TMEM163: variants seen among roughly 807,000 people sequenced by gnomAD.
The protein encoded by TMEM163 is transmembrane protein 163.
Under a neutral mutation model 29.3 loss-of-function variants are expected in TMEM163, and 17 were observed. That is an observed-to-expected ratio of 0.58 (90% CI 0.40 to 0.87). The LOEUF (loss-of-function observed/expected upper bound fraction) is 0.87. TMEM163 is among the 40% of genes least tolerant of loss of function. The pLI is 0.00. For missense variants in TMEM163, 303 were observed against 381.5 expected (o/e 0.79, Z 1.71); for synonymous variants, 157 against 160.6 (o/e 0.98, Z 0.17).
intron 2 of TMEM163, among the ~76,000 whole-genome samples, chr2:134,598,362 GC>G (rs1682141351): frequency 3.9e-5 from 6 of 152,122 alleles, no homozygotes; most frequent in Non-Finnish European, 7.4e-5. Flanking sequence ...AATAATAGTA[GC>G]TAGCACTATG....
At chr2:134,514,870 G>A (rs1349143985) in intron 4 of TMEM163, among the ~76,000 whole-genome samples, 1 of 152,166 alleles carries the variant, frequency 6.6e-6, no homozygotes, top group Non-Finnish European at 1.5e-5. Flanking sequence ...CCTCATTTCT[G>A]CCCAGTGGTC....
intron 2 of TMEM163, among the ~76,000 whole-genome samples, chr2:134,575,580 C>G (rs1404240214): frequency 1.3e-5 from 2 of 152,318 alleles, no homozygotes; most frequent in Admixed American, 6.5e-5. Context: ...GTCACGCTTT[C>G]ATGAGATGTG....
chr2:134,498,520 C>T (rs376777822), intron 5 of TMEM163, among the ~76,000 whole-genome samples: 4 of 152,110 alleles, frequency 2.6e-5, no homozygotes, highest in Non-Finnish European at 4.4e-5. Flanking sequence ...TTAGTAGAGA[C>T]GGGGTTTCAC....
intron 2 of TMEM163, among the ~76,000 whole-genome samples, chr2:134,606,167 C>A (rs1682352962): frequency 6.6e-6 from 1 of 152,042 alleles, no homozygotes; most frequent in Non-Finnish European, 1.5e-5. Context: ...AATTTCTAAA[C>A]ACAGCACGTA....
At chr2:134,554,315 G>T (rs1296737497) in intron 2 of TMEM163, among the ~76,000 whole-genome samples, 1 of 151,052 alleles carries the variant, frequency 6.6e-6, no homozygotes, top group Non-Finnish European at 1.5e-5. Flanking sequence ...AGTCCCAGCT[G>T]CTCGGCAGGC....
chr2:134,659,751 G>A (rs750659666), intron 2 of TMEM163, among the ~76,000 whole-genome samples: 1 of 152,100 alleles, frequency 6.6e-6, no homozygotes, highest in African/African-American at 2.4e-5. Flanking sequence ...ACCAGCCTGG[G>A]CAACAAAGAG....
intron 6 of TMEM163, among the ~76,000 whole-genome samples, chr2:134,462,027 C>A (rs1159742034): frequency 6.6e-6 from 1 of 152,200 alleles, no homozygotes; most frequent in African/African-American, 2.4e-5. Context: ...CCAGATAGTA[C>A]AATTAGCAGG....
chr2:134,529,258 G>C (rs887850353), intron 4 of TMEM163, among the ~76,000 whole-genome samples: 1 of 152,200 alleles, frequency 6.6e-6, no homozygotes, highest in African/African-American at 2.4e-5. Context: ...TTGCGCCCAT[G>C]AGGCAGAGGT....
At chr2:134,664,606 TGA>T (rs1046600058) in intron 2 of TMEM163, among the ~76,000 whole-genome samples, 1 of 152,102 alleles carries the variant, frequency 6.6e-6, no homozygotes, top group Non-Finnish European at 1.5e-5. Context: ...GGGGTCTTTA[TGA>T]GAGAGAGGCA....
rs150559282 is a variant in TMEM163 at position 134,600,653 on chromosome 2, G to A, written c.323-48562C>T. ...GTGATGGGGTCATTAGGGGGAATAG[G>A]GCATCAAAAAGCACCTGTGAATAAT... On this transcript the variant is annotated intron_variant, in intron 2 of 7. Coordinates refer to ENST00000281924, the MANE Select transcript of TMEM163 (RefSeq NM_030923.5). Among the ~76,000 whole-genome samples, 78 of 152,118 alleles carry A rather than the reference G, an allele frequency of 5.1e-4. 1 individual carries two copies. In the East Asian group the frequency reaches 0.014, roughly 27 times the overall value.
intron 1 of TMEM163, 62 bp from the exon 2 acceptor site, chr2:134,713,381 G>A: frequency 6.2e-7 from 1 of 1,603,338 alleles, no homozygotes; most frequent in Non-Finnish European, 8.5e-7. Context: ...CACAGCGAGA[G>A]CTACAATTTC....
intron 5 of TMEM163, among the ~76,000 whole-genome samples, chr2:134,483,801 A>G (rs1679256752): frequency 6.6e-6 from 1 of 152,194 alleles, no homozygotes; most frequent in South Asian, 2.1e-4. Context: ...CATTTGAACA[A>G]CAGGAAGCCC....
chr2:134,531,275 T>C (rs1680410626), intron 4 of TMEM163, among the ~76,000 whole-genome samples: 1 of 152,206 alleles, frequency 6.6e-6, no homozygotes, highest in African/African-American at 2.4e-5. Flanking sequence ...TTTTCTCTTG[T>C]CACTCAACAG....
At chr2:134,636,411 C>A (rs1315397794) in intron 2 of TMEM163, among the ~76,000 whole-genome samples, 5 of 152,218 alleles carry the variant, frequency 3.3e-5, no homozygotes, top group African/African-American at 1.2e-4. Context: ...TATATAGTAT[C>A]TTTCGTTCAA....
At chr2:134,499,727 T>C (rs1679659509) in intron 5 of TMEM163, among the ~76,000 whole-genome samples, 1 of 152,232 alleles carries the variant, frequency 6.6e-6, no homozygotes. Flanking sequence ...ACGCTGTTTC[T>C]GACAGAACCT....
At chr2:134,657,990 C>A (rs1246282877) in intron 2 of TMEM163, among the ~76,000 whole-genome samples, 1 of 150,094 alleles carries the variant, frequency 6.7e-6, no homozygotes, top group African/African-American at 2.5e-5. Context: ...GATACACATA[C>A]CCCCTGAACT....
intron 4 of TMEM163, among the ~76,000 whole-genome samples, chr2:134,537,925 C>T (rs1024962544): frequency 6.6e-6 from 1 of 152,208 alleles, no homozygotes; most frequent in Non-Finnish European, 1.5e-5. Context: ...ACCATTCACA[C>T]CCACTAGAAT....
chr2:134,485,807 G>C (rs1380852446), intron 5 of TMEM163, among the ~76,000 whole-genome samples: 1 of 152,056 alleles, frequency 6.6e-6, no homozygotes, highest in Admixed American at 6.5e-5. Flanking sequence ...AGAAACACTA[G>C]GACATACAAA....
At chr2:134,562,299 G>T (rs1362943563) in intron 2 of TMEM163, among the ~76,000 whole-genome samples, 1 of 152,210 alleles carries the variant, frequency 6.6e-6, no homozygotes, top group Admixed American at 6.5e-5. Context: ...CAGGGTCTGT[G>T]TGCTCAAGCA....
Sources: gnomAD v4.1 joint callset for allele counts (sites outside exome capture counted in the v4.1 genomes callset) on GRCh38, gnomAD v4.1.1 for gene constraint, MANE v1.5 for transcripts, NCBI Gene and HGNC (gene_info 2026-07-23, HGNC 2026-07-21) for gene names.